Variants in TACC2 observed in about 807,000 individuals in gnomAD.
The protein encoded by TACC2 is transforming acidic coiled-coil-containing protein 2.
TACC2 carries 137 observed loss-of-function variants against 227.3 expected under a neutral mutation model. The observed-to-expected ratio is 0.60, with a 90% CI of 0.52 to 0.69. The LOEUF is 0.69. Among genes scored for constraint, TACC2 ranks in the 30% least tolerant of loss-of-function variants. The pLI is 0.00. For synonymous variants in TACC2, 1,523 were observed against 1,487.5 expected (o/e 1.02, Z -0.55); for missense variants, 3,470 against 3,694.4 (o/e 0.94, Z 1.57).
In TACC2 at chr10:122,196,944, A is replaced by C. The variant is rs530763212; in HGVS notation, c.5971+1768A>C. ...GAGCGAGTCCGTCTCAAAAAAAAAA[A>C]AAAAAAACAAAAAAACAAAGAATAA... On this transcript the variant is annotated intron_variant, in intron 8 of 22. Transcript: ENST00000369005. Among the ~76,000 whole-genome samples the C allele has an allele frequency of 8.7e-4, 125 of 143,786 alleles. 2 individuals carry two copies. The highest frequency in any genetic ancestry group is 2.2e-3 in the Admixed American group (31 of 14,322). The allele number at this position is 143,786 out of a possible 152,430, so 94.3% of individuals were successfully genotyped here.
intron 7 of TACC2, among the ~76,000 whole-genome samples, chr10:122,169,925 A>AT (rs1474978278): frequency 6.6e-6 from 1 of 151,796 alleles, no homozygotes; most frequent in Non-Finnish European, 1.5e-5. Context: ...TAATTTTTAA[A>AT]TTTTTTGTAA....
chr10:122,248,489 A>G, intron 19 of TACC2, 154 bp from the exon 20 acceptor site: 1 of 832,894 alleles, frequency 1.2e-6, no homozygotes, highest in South Asian at 1.7e-5. Context: ...ACAGTCTGGG[A>G]GGGCTCTGGG....
At chr10:122,068,690 G>A (rs1366960119) in intron 3 of TACC2, among the ~76,000 whole-genome samples, 1 of 146,690 alleles carries the variant, frequency 6.8e-6, no homozygotes, top group African/African-American at 2.5e-5. Context: ...TTGAGATGGA[G>A]TCTCACGGTG....
chr10:122,248,614 A>G (rs1484658168), intron 19 of TACC2, 29 bp from the exon 20 acceptor site: 4 of 1,611,728 alleles, frequency 2.5e-6, no homozygotes, highest in Non-Finnish European at 2.5e-6. Flanking sequence ...TCTGGGCTCC[A>G]TCATTTGGCT....
rs896810956 is a variant in TACC2 at position 122,205,991 on chromosome 10, C to T, written c.5972-4406C>T. ...CTCTCTGTGTAGGAGACCATCTACC[C>T]GTGATGCGGCAGCTTAAGAGAAGAG... On this transcript the variant is annotated intron_variant, in intron 8 of 22. Coordinates refer to ENST00000369005, the MANE Select transcript of TACC2 (RefSeq NM_206862.4). This position sits in a 1 kb window ranked among gnomAD's most constrained non-coding sequence, Gnocchi z 4.5. Among the ~76,000 whole-genome samples the T allele has an allele frequency of 6.6e-6, 1 of 152,094 alleles. No individual in the cohort carries two copies. The highest frequency in any genetic ancestry group is 2.4e-5 in the African/African-American group (1 of 41,410).
intron 3 of TACC2, among the ~76,000 whole-genome samples, chr10:122,070,092 G>A (rs1411042619): frequency 6.6e-6 from 1 of 152,178 alleles, no homozygotes; most frequent in Non-Finnish European, 1.5e-5. Context: ...GACTGGCAAT[G>A]AGGATTTATT....
At chr10:122,249,432 T>TG (rs2096205924) in intron 21 of TACC2, 112 bp from the exon 22 acceptor site, 8 of 1,430,186 alleles carry the variant, frequency 5.6e-6, no homozygotes, top group Non-Finnish European at 7.6e-6. Flanking sequence ...CAGCTCCAGT[T>TG]GGTGGCAGCT....
rs941712636 is a variant in TACC2 at position 122,108,384 on chromosome 10, CTCTT to C, written c.5573+19797_5573+19800del. 6.2e-5 allele frequency among the ~76,000 whole-genome samples: 8 copies of C among 129,140 alleles called. No individual in the cohort carries two copies. The South Asian group carries it at 8.3e-4, about 13-fold the overall frequency. The allele number at this position is 129,140 out of a possible 152,430, so 84.7% of individuals were successfully genotyped here. A position where few individuals can be genotyped will look rare whatever the true frequency, so the allele number is the denominator to read the frequency against. On this transcript the variant is annotated intron_variant, in intron 5 of 22. Coordinates refer to ENST00000369005, the MANE Select transcript of TACC2 (RefSeq NM_206862.4). ...GTAGTATTCCATGCGCGCGCGCTCT[CTCTT>C]TCTCTCTCTCTCTATGTGTGTGTGT...
intron 3 of TACC2, among the ~76,000 whole-genome samples, chr10:122,075,401 G>A (rs567474304): frequency 1.3e-5 from 2 of 152,260 alleles, no homozygotes; most frequent in East Asian, 3.9e-4. Context: ...AGAAGGGGCT[G>A]CATTGTGGTA....
At chr10:122,145,671 C>A (rs2091282604) in intron 7 of TACC2, among the ~76,000 whole-genome samples, 1 of 152,014 alleles carries the variant, frequency 6.6e-6, no homozygotes, top group African/African-American at 2.4e-5. Context: ...TATCCAAGGG[C>A]TAGAGTAGAT....
chr10:122,204,112 A>C (rs12414018), intron 8 of TACC2, among the ~76,000 whole-genome samples: 92,153 of 146,214 alleles, frequency 0.63, 29,582 homozygotes, highest in East Asian at 0.84. Context: ...GCAGCAGTAC[A>C]GTCCAGCTTC....
chr10:122,111,732 G>A (rs1187693289), intron 5 of TACC2, among the ~76,000 whole-genome samples: 2 of 151,626 alleles, frequency 1.3e-5, no homozygotes, highest in Non-Finnish European at 2.9e-5. Flanking sequence ...CTGACCTCGT[G>A]ATCTGTCCAC....
At chr10:122,018,382 T>C (rs1398159782) in intron 1 of TACC2, among the ~76,000 whole-genome samples, 2 of 152,214 alleles carry the variant, frequency 1.3e-5, no homozygotes, top group African/African-American at 4.8e-5. Flanking sequence ...TTTACACTTG[T>C]AAAACTTCGG....
In TACC2 at chr10:121,999,645, A is replaced by G. The variant is rs1041504873; in HGVS notation, c.-46+10157A>G. Among the ~76,000 whole-genome samples, 36 of 152,222 alleles carry G rather than the reference A, an allele frequency of 2.4e-4. 1 individual carries two copies. The highest frequency in any genetic ancestry group is 8.8e-5 in the Non-Finnish European group (6 of 68,046). ...CTGTTTTACTGCCCCAGGACTGTCA[A>G]TGCTTTGGCGCATTCCTTCTCCTCA... is the stretch of plus-strand genomic sequence containing the variant. On this transcript the variant is annotated intron_variant, in intron 1 of 22. Coordinates refer to ENST00000369005, the MANE Select transcript of TACC2 (RefSeq NM_206862.4).
At chr10:122,140,035 G>A (rs1411543381) in intron 6 of TACC2, among the ~76,000 whole-genome samples, 3 of 152,192 alleles carry the variant, frequency 2.0e-5, no homozygotes, top group Non-Finnish European at 4.4e-5. Flanking sequence ...GTCTCACTGC[G>A]GCCGGATCTG....
At chr10:122,170,715 T>G (rs1434082433) in intron 7 of TACC2, among the ~76,000 whole-genome samples, 3 of 152,312 alleles carry the variant, frequency 2.0e-5, no homozygotes, top group Non-Finnish European at 2.9e-5. Context: ...GCTTTTAGTC[T>G]AAAATCCAAA....
chr10:122,040,839 A>G (rs1329505916), intron 2 of TACC2, among the ~76,000 whole-genome samples: 1 of 152,210 alleles, frequency 6.6e-6, no homozygotes, highest in African/African-American at 2.4e-5. Flanking sequence ...CCTGGGTGTC[A>G]AGGAAGGCGC....
chr10:122,227,245 T>G (rs1192844302), intron 13 of TACC2, among the ~76,000 whole-genome samples: 2 of 152,194 alleles, frequency 1.3e-5, no homozygotes, highest in Non-Finnish European at 2.9e-5. Flanking sequence ...GGCTGATGTT[T>G]GGAGCAGTGC....
In TACC2 at chr10:122,252,818, G is replaced by A. The variant is rs966571732; in HGVS notation, c.8782-1173G>A. On this transcript the variant is annotated intron_variant, in intron 22 of 22. Transcript: ENST00000369005. Reference sequence around the variant, plus strand: ...AATAATAGTAATTTTAAGATTAGTGGTCAGTGCTGTATCCCATTCAGAGCC... The same window carrying A: ...AATAATAGTAATTTTAAGATTAGTGATCAGTGCTGTATCCCATTCAGAGCC... Among the ~76,000 whole-genome samples the A allele has an allele frequency of 3.3e-5, 5 of 152,260 alleles. No homozygotes were observed. The South Asian group carries it at 6.2e-4, about 19-fold the overall frequency.
Sources: allele counts gnomAD v4.1 joint callset (sites outside exome capture counted in the v4.1 genomes callset), GRCh38; gene constraint gnomAD v4.1.1; non-coding constraint Gnocchi (gnomAD v3.1); transcripts MANE v1.5; gene names NCBI Gene and HGNC (gene_info 2026-07-23, HGNC 2026-07-21).